AADAC: variants seen among roughly 807,000 people sequenced by gnomAD.
AADAC encodes the protein arylacetamide deacetylase.
Under a neutral mutation model 22.7 loss-of-function variants are expected in AADAC, and 17 were observed. The ratio of observed to expected loss-of-function variants is 0.75; its 90% CI spans 0.51 to 1.12. AADAC has a LOEUF of 1.12. Ranked by LOEUF, AADAC falls within the 50% of genes most tolerant of loss-of-function variation. AADAC has a pLI of 0.00. For missense variants in AADAC, 465 were observed against 473.9 expected, an observed-to-expected ratio of 0.98 and a Z score of 0.17; for synonymous variants, 167 against 176.3, an observed-to-expected ratio of 0.95 and a Z score of 0.42.
At chr3:151,825,813 T>C (rs1050808169) in intron 4 of AADAC, among the ~76,000 whole-genome samples, 4 of 151,984 alleles carry the variant, frequency 2.6e-5, no homozygotes, top group Admixed American at 1.3e-4. Flanking sequence ...TCTTTTCTCA[T>C]GTAGTAGTCG....
rs567843224 is a variant in AADAC at position 151,817,817 on chromosome 3, T to C, written c.361+229T>C. Among the ~76,000 whole-genome samples, 4 of 152,212 alleles carry C rather than the reference T, an allele frequency of 2.6e-5. No homozygotes were observed. In the East Asian group the frequency reaches 5.8e-4, roughly 22 times the overall value. Reference sequence around the variant, plus strand: ...GGTGAGAAGAAACTTTTTTTTTCTATTTATCACAATTACTCTAAGAAAGCC... The same window carrying C: ...GGTGAGAAGAAACTTTTTTTTTCTACTTATCACAATTACTCTAAGAAAGCC... On this transcript the variant is annotated intron_variant, in intron 2 of 4. Coordinates refer to ENST00000232892, the MANE Select transcript of AADAC (RefSeq NM_001086.3).
At chr3:151,820,524 T>TTTTC in intron 3 of AADAC, 72 bp downstream of exon 3, 1 of 1,145,382 alleles carries the variant, frequency 8.7e-7, no homozygotes. Context: ...TTCTTTTTTT[T>TTTTC]TTTTTTTTTT....
intron 4 of AADAC, 44 bp from the exon 5 acceptor site, chr3:151,827,532 T>TC: frequency 4.5e-6 from 5 of 1,113,178 alleles, no homozygotes; most frequent in Non-Finnish European, 6.2e-6. Context: ...GATATTTTAT[T>TC]GTTTTAAATG....
chr3:151,820,259 G>T (rs963648558), intron 2 of AADAC, 124 bp from the exon 3 acceptor site: 5 of 533,980 alleles, frequency 9.4e-6, no homozygotes, highest in African/African-American at 7.8e-5. Flanking sequence ...TTTGTCTCTC[G>T]TATTTTAAGG....
intron 3 of AADAC, among the ~76,000 whole-genome samples, chr3:151,821,247 A>G (rs1381277114): frequency 1.3e-5 from 2 of 152,044 alleles, no homozygotes. Context: ...AATTTTAAAT[A>G]TTTAAAATAT....
At chr3:151,820,334 C>T in intron 2 of AADAC, 49 bp from the exon 3 acceptor site, 1 of 1,366,964 alleles carries the variant, frequency 7.3e-7, no homozygotes, top group Non-Finnish European at 1.0e-6. Flanking sequence ...ACAGCCTTGT[C>T]TTCATTTGTC....
At chr3:151,815,310 G>A (rs1715936307) in intron 1 of AADAC, among the ~76,000 whole-genome samples, 1 of 151,946 alleles carries the variant, frequency 6.6e-6, no homozygotes, top group Non-Finnish European at 1.5e-5. Flanking sequence ...TAAGAAAAAT[G>A]TTTTCCAGCA....
At chr3:151,814,383 T>C in intron 1 of AADAC, 83 bp downstream of exon 1, 2 of 1,338,408 alleles carry the variant, frequency 1.5e-6, no homozygotes, top group Non-Finnish European at 2.0e-6. Context: ...TTCTATTCTT[T>C]TGATTTATTG....
At chr3:151,826,313 G>C (rs796108784) in intron 4 of AADAC, among the ~76,000 whole-genome samples, 1 of 151,880 alleles carries the variant, frequency 6.6e-6, no homozygotes, top group Non-Finnish European at 1.5e-5. Context: ...GTAATTTCTA[G>C]ATTTGATATT....
chr3:151,816,656 C>T (rs1031024102), intron 1 of AADAC, among the ~76,000 whole-genome samples: 12 of 151,968 alleles, frequency 7.9e-5, no homozygotes, highest in Non-Finnish European at 1.6e-4. Context: ...TGCTGAAAGT[C>T]AACTGACAGG....
intron 3 of AADAC, 64 bp downstream of exon 3, chr3:151,820,516 C>CTTTTTTTTT (rs34039248): frequency 1.9e-4 from 77 of 412,932 alleles, no homozygotes; most frequent in South Asian, 6.3e-4. Flanking sequence ...TCTCAGCTTT[C>CTTTTTTTTT]TTTTTTTTTT....
chr3:151,820,288 A>T, intron 2 of AADAC, 95 bp from the exon 3 acceptor site: 1 of 753,224 alleles, frequency 1.3e-6, no homozygotes, highest in Non-Finnish European at 2.1e-6. Context: ...AACTGCCAGA[A>T]CGTGAAAGAA....
chr3:151,814,287 C>G lies in AADAC; in HGVS notation c.125C>G (p.Thr42Ser), dbSNP rs147382619. 1.2e-6 allele frequency: 2 copies of G among 1,611,400 alleles called. No homozygotes were observed. Among genetic ancestry groups the G allele is most frequent in the African/African-American group, 2.7e-5 (2 of 74,716 alleles). ...ATGTGGATAAACGCACATCTGAAAA[C>G]TATACAAAATTTGGTAAGTTTGGAA... ...RMMWINAHLK[T>S]IQNLATFVEL... The change falls in exon 1 of 5, where the codon ACT (threonine) becomes AGT (serine). Residue 42 changes from threonine (T) to serine (S), a missense_variant. Thr to Ser is a moderately conservative substitution (Grantham distance 58, BLOSUM62 1). Coordinates refer to ENST00000232892, the MANE Select transcript of AADAC (RefSeq NM_001086.3).
At chr3:151,817,232 C>A (rs953107104) in intron 1 of AADAC, 134 bp from the exon 2 acceptor site, 3 of 738,122 alleles carry the variant, frequency 4.1e-6, no homozygotes, top group East Asian at 2.7e-5. Flanking sequence ...TTAAAAGGAC[C>A]AAGCAGGATT....
At chr3:151,817,850 T>A (rs1375737920) in intron 2 of AADAC, among the ~76,000 whole-genome samples, 1 of 152,082 alleles carries the variant, frequency 6.6e-6, no homozygotes, top group African/African-American at 2.4e-5. Flanking sequence ...GCCTTGTTAT[T>A]TCTATCATTC....
chr3:151,823,170 CG>C (rs1716321861), intron 3 of AADAC, among the ~76,000 whole-genome samples: 2 of 151,420 alleles, frequency 1.3e-5, no homozygotes, highest in Non-Finnish European at 2.9e-5. Flanking sequence ...CCCAGCTACG[CG>C]GGAGGCTGAG....
chr3:151,828,031 C>G lies in AADAC; in HGVS notation c.1059C>G (p.Val353=). The G allele has an allele frequency of 6.2e-7, 1 of 1,613,248 alleles. No homozygotes were observed. The highest frequency in any genetic ancestry group is 8.5e-7 in the Non-Finnish European group (1 of 1,179,472). The change falls in exon 5 of 5, where the codon GTC becomes GTG. Residue 353 remains valine, a synonymous_variant. Transcript: ENST00000232892. ...DLLRDDGLMY[V]TRLRNTGVQV... ...TAAGAGATGATGGACTCATGTATGTCACCCGACTTCGCAACACTGGGGTTC... is the reference window on the plus strand; with the variant it reads ...TAAGAGATGATGGACTCATGTATGTGACCCGACTTCGCAACACTGGGGTTC...
At chr3:151,816,001 G>A (rs1301741871) in intron 1 of AADAC, among the ~76,000 whole-genome samples, 3 of 151,986 alleles carry the variant, frequency 2.0e-5, no homozygotes, top group Non-Finnish European at 2.9e-5. Flanking sequence ...AGGCATGGAC[G>A]ACATATTTAA....
At chr3:151,821,797 T>A (rs1716265366) in intron 3 of AADAC, among the ~76,000 whole-genome samples, 1 of 151,962 alleles carries the variant, frequency 6.6e-6, no homozygotes, top group South Asian at 2.1e-4. Flanking sequence ...TATGCAAATA[T>A]ATGCCTTGCC....
Sources: allele counts gnomAD v4.1 joint callset (sites outside exome capture counted in the v4.1 genomes callset), GRCh38; gene constraint gnomAD v4.1.1; transcripts MANE v1.5; gene names NCBI Gene and HGNC (gene_info 2026-07-23, HGNC 2026-07-21).